Variants in SLC6A3 observed in about 807,000 individuals in gnomAD.
SLC6A3 encodes sodium-dependent dopamine transporter.
Under a neutral mutation model 70.4 loss-of-function variants are expected in SLC6A3, and 19 were observed. That is an observed-to-expected ratio of 0.27 (90% CI 0.19 to 0.40). SLC6A3 has a LOEUF of 0.40. SLC6A3 is among the 10% of genes least tolerant of loss of function. The probability of loss-of-function intolerance (pLI) is 1.00; values close to 1 mark genes in which losing one functional copy is unlikely to be tolerated. For missense variants in SLC6A3, 613 were observed against 838.5 expected (o/e 0.73, Z 3.32); for synonymous variants, 368 against 356.6 (o/e 1.03, Z -0.36).
Position 1,414,716 on chromosome 5 carries a change from C to A in SLC6A3, c.1131G>T (p.Val377=). 1 of 1,612,668 alleles carries A rather than the reference C, an allele frequency of 6.2e-7. No homozygotes were observed. The highest frequency in any genetic ancestry group is 8.5e-7 in the Non-Finnish European group (1 of 1,179,834). ...CGTCCTTGGCCACGTCCCCGATGGG[C>A]ACACTGTGCTTCTGTGCCATGTACC... ...FLGYMAQKHS[V]PIGDVAKDGP... Residue 377 remains valine (V), a synonymous_variant, in exon 8 of 15, where the codon GTG becomes GTT. Transcript: ENST00000270349.
intron 3 of SLC6A3, among the ~76,000 whole-genome samples, chr5:1,433,463 G>A (rs575290127): frequency 1.1e-4 from 17 of 152,208 alleles, no homozygotes; most frequent in South Asian, 8.3e-4. Context: ...ACTTTGAGTC[G>A]CAAAGGGCCA....
chr5:1,419,569 C>A (rs1370454111), intron 6 of SLC6A3, among the ~76,000 whole-genome samples: 1 of 152,202 alleles, frequency 6.6e-6, no homozygotes. Flanking sequence ...TGCAAACACA[C>A]CCCTTGGCTT....
intron 4 of SLC6A3, among the ~76,000 whole-genome samples, chr5:1,430,532 C>T (rs567558836): frequency 1.3e-5 from 2 of 152,284 alleles, no homozygotes; most frequent in African/African-American, 4.8e-5. Flanking sequence ...GGTCCCTTTC[C>T]GGCAGCATCA....
At position 1,394,902 on chromosome 5, in the gene SLC6A3, T is replaced by G; in HGVS notation, c.1840-144A>C. 1.2e-6 allele frequency: 1 copy of G among 845,498 alleles called. No homozygotes were observed. Among genetic ancestry groups the G allele is most frequent in the Admixed American group, 1.9e-5 (1 of 52,286 alleles). The allele number at this position is 845,498 out of a possible 1,614,324, so 52.4% of individuals were successfully genotyped here. A position where few individuals can be genotyped will look rare whatever the true frequency, so the allele number is the denominator to read the frequency against. ...TGCCCTGGGAGAAGGGGAGGCTCAC[T>G]GGGGGCCTGGACCAACACACCCTTG... On this transcript the variant is annotated intron_variant, in intron 14 of 14. Transcript: ENST00000270349. The surrounding 1 kb of genome is among the most constrained non-coding windows in gnomAD (Gnocchi z 4.7).
intron 4 of SLC6A3, among the ~76,000 whole-genome samples, chr5:1,422,298 C>T (rs1756455780): frequency 6.6e-6 from 1 of 152,094 alleles, no homozygotes; most frequent in Non-Finnish European, 1.5e-5. Context: ...CGGAGGGCAC[C>T]TTGGGTCTTT....
intron 2 of SLC6A3, among the ~76,000 whole-genome samples, chr5:1,441,828 C>T (rs970040402): frequency 3.9e-5 from 6 of 152,134 alleles, no homozygotes; most frequent in African/African-American, 7.2e-5. Flanking sequence ...CCCTGGCCTG[C>T]GTCCCCCCAC....
chr5:1,414,306 G>C (rs1756201223), intron 8 of SLC6A3, among the ~76,000 whole-genome samples: 2 of 139,594 alleles, frequency 1.4e-5, no homozygotes, highest in Non-Finnish European at 3.1e-5. Context: ...AGGGACTGAG[G>C]CACCAACTAT....
rs1287304889 is a variant in SLC6A3, at chr5:1,445,380, T to C, written c.-78A>G. 1 of 156,306 alleles carries C rather than the reference T, an allele frequency of 6.4e-6. No homozygotes were observed. Among genetic ancestry groups the C allele is most frequent in the Non-Finnish European group, 1.4e-5 (1 of 70,864 alleles). The allele number at this position is 156,306 out of a possible 1,614,324, so 9.7% of individuals were successfully genotyped here. On this transcript the variant is annotated 5_prime_UTR_variant, in exon 1 of 15. Transcript: ENST00000270349. The stretch of plus-strand genomic sequence containing the variant: ...CCCGGGCCTGGGCTTTGCACGCGAG[T>C]CCTGGCGCCGAGAGCGTTCCGCGAA...
chr5:1,408,604 G>A lies in SLC6A3; in HGVS notation c.1498+422C>T, dbSNP rs1209545050. 2.0e-5 allele frequency among the ~76,000 whole-genome samples: 3 copies of A among 152,152 alleles called. No individual in the cohort carries two copies. The highest frequency in any genetic ancestry group is 6.5e-5 in the Admixed American group (1 of 15,278). ...GCCAGGAGCTGCACCCCGTTCGAGC[G>A]CCGCCCGCTGATCATCAGGTCCCGA... On this transcript the variant is annotated intron_variant, in intron 11 of 14. Transcript: ENST00000270349. This position sits in a 1 kb window ranked among gnomAD's most constrained non-coding sequence, Gnocchi z 6.4.
intron 10 of SLC6A3, among the ~76,000 whole-genome samples, chr5:1,409,361 C>A (rs749753847): frequency 6.6e-6 from 1 of 152,180 alleles, no homozygotes; most frequent in African/African-American, 2.4e-5. Flanking sequence ...TGGAAGCAAC[C>A]GAATGCGGAA....
At position 1,402,860 on chromosome 5, in the gene SLC6A3, C is replaced by T; in HGVS notation, c.1767+62G>A. The T allele has an allele frequency of 2.6e-6, 4 of 1,545,756 alleles. No individual in the cohort carries two copies. In the East Asian group the frequency reaches 6.9e-5, roughly 27 times the overall value. ...GGCAGGTGAGGACTGGGGCCATGGA[C>T]ACCCACGGAGCCTTTCTGGTGGCCT... is the stretch of plus-strand genomic sequence containing the variant. On this transcript the variant is annotated intron_variant, in intron 13 of 14. Transcript: ENST00000270349. This position sits in a 1 kb window ranked among gnomAD's most constrained non-coding sequence, Gnocchi z 8.5.
chr5:1,441,049 C>A (rs369424758), intron 3 of SLC6A3, among the ~76,000 whole-genome samples: 1 of 152,144 alleles, frequency 6.6e-6, no homozygotes, highest in Admixed American at 6.5e-5. Context: ...ACGGATGGAC[C>A]GATGGATGAT....
intron 7 of SLC6A3, among the ~76,000 whole-genome samples, chr5:1,415,123 C>G (rs1382963372): frequency 1.3e-5 from 2 of 152,042 alleles, no homozygotes; most frequent in Non-Finnish European, 2.9e-5. Context: ...TCCAGAAGCT[C>G]TAGGAGCACA....
chr5:1,408,953 C>G lies in SLC6A3; in HGVS notation c.1498+73G>C, dbSNP rs553141529. 5.8e-5 allele frequency: 61 copies of G among 1,052,112 alleles called. 1 individual carries two copies. The Middle Eastern group carries it at 1.6e-3, about 28-fold the overall frequency. 65.2% of individuals were successfully genotyped at this position (1,052,112 alleles called of 1,614,324 possible). ...AGCTGAAAGGTGTTTCCTCACGGAG[C>G]CTTTTTCAGAAGGGGAGTGGCACAG... is the stretch of plus-strand genomic sequence containing the variant. On this transcript the variant is annotated intron_variant, in intron 11 of 14. Coordinates refer to ENST00000270349, the MANE Select transcript of SLC6A3 (RefSeq NM_001044.5). This position sits in a 1 kb window ranked among gnomAD's most constrained non-coding sequence, Gnocchi z 6.4.
intron 3 of SLC6A3, among the ~76,000 whole-genome samples, chr5:1,440,164 T>TGAA (rs1230194670): frequency 3.3e-5 from 5 of 152,102 alleles, no homozygotes; most frequent in Non-Finnish European, 7.3e-5. Context: ...GATGGATGGA[T>TGAA]TAATCCATAC....
At chr5:1,398,036 G>C (rs181589963) in intron 14 of SLC6A3, among the ~76,000 whole-genome samples, 1 of 152,278 alleles carries the variant, frequency 6.6e-6, no homozygotes, top group African/African-American at 2.4e-5. Context: ...AGTGAAATAT[G>C]TATGGTACAA....
At position 1,418,552 on chromosome 5, in the gene SLC6A3, T is replaced by G. The variant is rs116031104; in HGVS notation, c.927+2017A>C. Among the ~76,000 whole-genome samples, 197 of 152,204 alleles carry G rather than the reference T, an allele frequency of 1.3e-3. 2 individuals are homozygous for G. The highest frequency in any genetic ancestry group is 2.5e-3 in the Non-Finnish European group (171 of 67,996). ...ATGTATCTATCTCCATCCATCCTAT[T>G]GTATATCCATCCTATCTACCTACCT... On this transcript the variant is annotated intron_variant, in intron 6 of 14. Coordinates refer to ENST00000270349, the MANE Select transcript of SLC6A3 (RefSeq NM_001044.5).
chr5:1,411,273 G>T lies in SLC6A3; in HGVS notation c.1239C>A (p.Ile413=). Residue 413 remains isoleucine, a synonymous_variant, in exon 9 of 15, where the codon ATC becomes ATA. Coordinates refer to ENST00000270349, the MANE Select transcript of SLC6A3 (RefSeq NM_001044.5). This position sits in a 1 kb window ranked among gnomAD's most constrained non-coding sequence, Gnocchi z 6.5. ...TGTCGATACCCAGGGTGAGCAGCAT[G>T]ATGAAGAAGACCACGGCCCAGGCTG... ...LSSAWAVVFF[I]MLLTLGIDSA... is the part of the protein sequence containing the mutation. The T allele has an allele frequency of 6.4e-7, 1 of 1,553,714 alleles. No individual in the cohort carries two copies. The highest frequency in any genetic ancestry group is 8.7e-7 in the Non-Finnish European group (1 of 1,148,388).
rs1755722194 is a variant in SLC6A3 at position 1,396,474 on chromosome 5, G to A, written c.1840-1716C>T. Among the ~76,000 whole-genome samples, 1 of 152,226 alleles carries A rather than the reference G, an allele frequency of 6.6e-6. No homozygotes were observed. Among genetic ancestry groups the A allele is most frequent in the African/African-American group, 2.4e-5 (1 of 41,462 alleles). On this transcript the variant is annotated intron_variant, in intron 14 of 14. Transcript: ENST00000270349. The surrounding 1 kb of genome is among the most constrained non-coding windows in gnomAD (Gnocchi z 7.0). ...GTTTCTAGATTGCAGCACAGGGAGG[G>A]TGCAGCCTGGTGGACTCCCTGAGCT...
Sources: gnomAD v4.1 joint callset for allele counts (sites outside exome capture counted in the v4.1 genomes callset) on GRCh38, gnomAD v4.1.1 for gene constraint, Gnocchi (gnomAD v3.1) non-coding constraint, MANE v1.5 for transcripts, NCBI Gene and HGNC (gene_info 2026-07-23, HGNC 2026-07-21) for gene names.